Variants in MARCHF3 observed in about 807,000 individuals in gnomAD.
MARCHF3 encodes the protein E3 ubiquitin-protein ligase MARCHF3.
MARCHF3 carries 13 observed loss-of-function variants against 24.2 expected under a neutral mutation model. That is an observed-to-expected ratio of 0.54 (90% CI 0.35 to 0.85). The LOEUF (loss-of-function observed/expected upper bound fraction) is 0.85, where lower values mean the gene tolerates loss of function less well. Ranked by LOEUF, MARCHF3 falls within the 40% of genes least tolerant of loss-of-function variation. The pLI, the probability that MARCHF3 is intolerant of heterozygous loss-of-function variation, is 0.01. For synonymous variants in MARCHF3, 144 were observed against 137.3 expected, an observed-to-expected ratio of 1.05 and a Z score of -0.34; for missense variants, 276 against 325.0, an observed-to-expected ratio of 0.85 and a Z score of 1.16.
At chr5:126,957,501 T>G (rs2126820212) in intron 1 of MARCHF3, among the ~76,000 whole-genome samples, 1 of 152,292 alleles carries the variant, frequency 6.6e-6, no homozygotes, top group South Asian at 2.1e-4. Context: ...CATTTGTAAT[T>G]TATTTTGGTG....
chr5:126,935,342 G>A (rs1158698322), intron 1 of MARCHF3, among the ~76,000 whole-genome samples: 1 of 152,086 alleles, frequency 6.6e-6, no homozygotes, highest in African/African-American at 2.4e-5. Context: ...CCCCAAATAA[G>A]AAGGAATTCC....
intron 1 of MARCHF3, among the ~76,000 whole-genome samples, chr5:127,008,962 A>C (rs116051353): frequency 1.1e-3 from 171 of 152,004 alleles, no homozygotes; most frequent in African/African-American, 3.8e-3. Flanking sequence ...TCAAAGGATG[A>C]GAGAGGAGGT....
intron 1 of MARCHF3, among the ~76,000 whole-genome samples, chr5:126,963,002 C>T (rs1234114758): frequency 2.0e-5 from 3 of 152,062 alleles, no homozygotes; most frequent in Non-Finnish European, 2.9e-5. Context: ...GGCAACTTGA[C>T]GTTCTCTAAG....
intron 3 of MARCHF3, among the ~76,000 whole-genome samples, chr5:126,909,555 A>T (rs960150341): frequency 6.6e-6 from 1 of 152,228 alleles, no homozygotes; most frequent in African/African-American, 2.4e-5. Flanking sequence ...GGAAAATCGC[A>T]GTATTCGGGT....
intron 4 of MARCHF3, among the ~76,000 whole-genome samples, chr5:126,873,880 C>A (rs917314254): frequency 6.6e-6 from 1 of 152,120 alleles, no homozygotes; most frequent in African/African-American, 2.4e-5. Flanking sequence ...TTTGCATTGC[C>A]CTGGGTTAAT....
intron 1 of MARCHF3, among the ~76,000 whole-genome samples, chr5:127,010,653 C>G (rs915389639): frequency 2.0e-5 from 3 of 152,204 alleles, no homozygotes; most frequent in African/African-American, 7.2e-5. Flanking sequence ...AATCTATGCT[C>G]TGTATTTAAG....
intron 4 of MARCHF3, among the ~76,000 whole-genome samples, chr5:126,871,942 C>G (rs1255259028): frequency 1.3e-5 from 2 of 151,970 alleles, no homozygotes; most frequent in Non-Finnish European, 2.9e-5. Context: ...AACTCCTGAT[C>G]TCAAGTGTTC....
intron 1 of MARCHF3, among the ~76,000 whole-genome samples, chr5:126,948,508 C>T (rs556391573): frequency 2.0e-5 from 3 of 152,310 alleles, no homozygotes; most frequent in African/African-American, 7.2e-5. Context: ...AACTTCCATA[C>T]TCCACGGAGA....
chr5:126,884,295 A>G (rs866045494), intron 3 of MARCHF3, among the ~76,000 whole-genome samples: 1 of 151,930 alleles, frequency 6.6e-6, no homozygotes, highest in African/African-American at 2.4e-5. Flanking sequence ...CAGTCTGTCA[A>G]TGAGTTTCCA....
chr5:126,915,074 C>A lies in MARCHF3; in HGVS notation c.249G>T (p.Leu83Phe), dbSNP rs1318459500. The A allele has an allele frequency of 3.7e-6, 6 of 1,614,182 alleles. No homozygotes were observed. The highest frequency in any genetic ancestry group is 5.1e-6 in the Non-Finnish European group (6 of 1,180,034). ...ICHEGSSQED[L>F]LSPCECTGTL... Reference sequence around the variant, plus strand: ...TCCCTGTACATTCACATGGAGAGAGCAAGTCCTCTTGGCTGCTGCCCTCGT... The same window carrying A: ...TCCCTGTACATTCACATGGAGAGAGAAAGTCCTCTTGGCTGCTGCCCTCGT... The change falls in exon 3 of 5, where the codon TTG (leucine) becomes TTT (phenylalanine). Residue 83 changes from leucine (L) to phenylalanine (F), a missense_variant. Coordinates refer to ENST00000308660, the MANE Select transcript of MARCHF3 (RefSeq NM_178450.5).
chr5:126,910,138 A>G lies in MARCHF3; in HGVS notation c.393+4792T>C, dbSNP rs141948046. 1.4e-3 allele frequency among the ~76,000 whole-genome samples: 218 copies of G among 152,326 alleles called. 1 individual carries two copies. Among genetic ancestry groups the G allele is most frequent in the African/African-American group, 5.1e-3 (211 of 41,570 alleles). On this transcript the variant is annotated intron_variant, in intron 3 of 4. Transcript: ENST00000308660. ...ATTAGAGGAAAAAATCAGATCCTAG[A>G]AGGCCTTTCCTCCAGATTCCCACTA...
intron 1 of MARCHF3, among the ~76,000 whole-genome samples, chr5:127,011,475 T>C (rs1752471244): frequency 6.6e-6 from 1 of 152,202 alleles, no homozygotes; most frequent in East Asian, 1.9e-4. Flanking sequence ...TTGTCTCTCA[T>C]TTGGGTATGC....
intron 1 of MARCHF3, among the ~76,000 whole-genome samples, chr5:126,969,712 C>G (rs76022194): frequency 6.6e-6 from 1 of 152,146 alleles, no homozygotes; most frequent in Non-Finnish European, 1.5e-5. Flanking sequence ...TAAACTTGAG[C>G]GAGCATTAGA....
chr5:126,996,395 G>A (rs73786283), intron 1 of MARCHF3, among the ~76,000 whole-genome samples: 2 of 152,120 alleles, frequency 1.3e-5, no homozygotes, highest in South Asian at 4.1e-4. Context: ...ATAGGTTGGT[G>A]AGTCACTTGT....
intron 1 of MARCHF3, among the ~76,000 whole-genome samples, chr5:126,948,638 G>A (rs1280817039): frequency 6.6e-6 from 1 of 152,168 alleles, no homozygotes; most frequent in Non-Finnish European, 1.5e-5. Context: ...ATGTCTTAGG[G>A]GCGTATTTCT....
At chr5:127,003,783 C>T (rs1236838817) in intron 1 of MARCHF3, among the ~76,000 whole-genome samples, 1 of 152,158 alleles carries the variant, frequency 6.6e-6, no homozygotes, top group Non-Finnish European at 1.5e-5. Flanking sequence ...AATTATGTGT[C>T]ATGAGAGGAT....
intron 1 of MARCHF3, among the ~76,000 whole-genome samples, chr5:127,002,947 C>T (rs1216599960): frequency 6.6e-6 from 1 of 152,176 alleles, no homozygotes; most frequent in African/African-American, 2.4e-5. Flanking sequence ...TGGCAGGAAA[C>T]TGCCTGGAGG....
chr5:126,927,307 T>C (rs1749328054), intron 1 of MARCHF3, among the ~76,000 whole-genome samples: 2 of 152,330 alleles, frequency 1.3e-5, no homozygotes, highest in Admixed American at 1.3e-4. Context: ...TCCTGGATTC[T>C]TGTGGACCAT....
chr5:126,870,482 T>C lies in MARCHF3; in HGVS notation c.*151A>G. ...AGCATTTGCTTTCTTCTGGCGGAGG[T>C]TGTTGCTTGGAGTGATGTGCTAATA... On this transcript the variant is annotated 3_prime_UTR_variant, in exon 5 of 5. Transcript: ENST00000308660. 1 of 593,434 alleles carries C rather than the reference T, an allele frequency of 1.7e-6. No individual in the cohort carries two copies. The highest frequency in any genetic ancestry group is 2.8e-5 in the South Asian group (1 of 36,062). The allele number at this position is 593,434 out of a possible 1,614,324, so 36.8% of individuals were successfully genotyped here. A position where few individuals can be genotyped will look rare whatever the true frequency, so the allele number is the denominator to read the frequency against.
Sources: allele counts gnomAD v4.1 joint callset (sites outside exome capture counted in the v4.1 genomes callset), GRCh38; gene constraint gnomAD v4.1.1; transcripts MANE v1.5; gene names NCBI Gene and HGNC (gene_info 2026-07-23, HGNC 2026-07-21).